Variants in ASIC2 observed in about 807,000 individuals in gnomAD.
ASIC2 encodes the protein acid sensing ion channel subunit 2.
Under a neutral mutation model 57.3 loss-of-function variants are expected in ASIC2, and 25 were observed. The observed-to-expected ratio is 0.44, with a 90% CI of 0.32 to 0.61. The LOEUF is 0.61. ASIC2 is among the 20% of genes least tolerant of loss of function. The probability of loss-of-function intolerance (pLI) is 0.06; values close to 1 mark genes in which losing one functional copy is unlikely to be tolerated. For synonymous variants in ASIC2, 319 were observed against 307.5 expected (o/e 1.04, Z -0.39); for missense variants, 641 against 738.1 (o/e 0.87, Z 1.52).
chr17:33,900,610 C>T (rs1420813307), intron 1 of ASIC2, among the ~76,000 whole-genome samples: 2 of 16,012 alleles, frequency 1.2e-4, no homozygotes, highest in Non-Finnish European at 2.8e-4. Context: ...GTGATAAGTA[C>T]TTAACCTCAC....
chr17:33,552,818 C>A (rs938920196), intron 1 of ASIC2, among the ~76,000 whole-genome samples: 12 of 152,216 alleles, frequency 7.9e-5, no homozygotes, highest in African/African-American at 2.9e-4. Flanking sequence ...GTCAGTGGAA[C>A]ACTCGCGTCA....
chr17:33,594,753 G>A (rs1249992972), intron 1 of ASIC2, among the ~76,000 whole-genome samples: 2 of 151,932 alleles, frequency 1.3e-5, no homozygotes, highest in Admixed American at 6.5e-5. Context: ...ACGTGAACCC[G>A]GGAGGTGGAG....
intron 1 of ASIC2, among the ~76,000 whole-genome samples, chr17:34,027,439 A>G (rs1428524374): frequency 6.6e-6 from 1 of 152,056 alleles, no homozygotes; most frequent in Non-Finnish European, 1.5e-5. Context: ...CTGCCCCCCT[A>G]TAACCATTTA....
chr17:33,495,742 T>C (rs1443847790), intron 1 of ASIC2, among the ~76,000 whole-genome samples: 3 of 152,178 alleles, frequency 2.0e-5, no homozygotes, highest in African/African-American at 4.8e-5. Flanking sequence ...CATCCATTCC[T>C]GTGAACTGTG....
intron 1 of ASIC2, among the ~76,000 whole-genome samples, chr17:33,312,125 C>T (rs1906451869): frequency 6.6e-6 from 1 of 152,136 alleles, no homozygotes; most frequent in South Asian, 2.1e-4. Context: ...GCTTTGTCTC[C>T]TTATCTTTAA....
intron 1 of ASIC2, among the ~76,000 whole-genome samples, chr17:33,571,769 T>C (rs1448649763): frequency 6.6e-6 from 1 of 152,208 alleles, no homozygotes; most frequent in East Asian, 1.9e-4. Flanking sequence ...GTCTGTTTCA[T>C]TCAAATTCCT....
intron 1 of ASIC2, among the ~76,000 whole-genome samples, chr17:33,802,108 A>G (rs1912149125): frequency 6.6e-6 from 1 of 152,238 alleles, no homozygotes; most frequent in Admixed American, 6.5e-5. Flanking sequence ...TGTTTTGGTC[A>G]ATGACAGACT....
At chr17:33,296,752 C>T (rs989314770), upstream of ASIC2, among the ~76,000 whole-genome samples, 13 of 152,144 alleles carry the variant, frequency 8.5e-5, no homozygotes, top group East Asian at 7.7e-4. Context: ...TAAGTGAACA[C>T]GGTTTTCTGT....
At chr17:34,081,491 G>A (rs971139120) in intron 1 of ASIC2, among the ~76,000 whole-genome samples, 1 of 152,182 alleles carries the variant, frequency 6.6e-6, no homozygotes, top group African/African-American at 2.4e-5. Context: ...GTGCTGGAAA[G>A]AGCTTTCCCC....
intron 1 of ASIC2, among the ~76,000 whole-genome samples, chr17:33,757,798 C>T (rs1033666657): frequency 6.6e-6 from 1 of 152,200 alleles, no homozygotes. Flanking sequence ...AGAAACATCC[C>T]TTTCCCACCC....
rs796332645 is a variant in ASIC2 at position 33,091,577 on chromosome 17, A to T, written c.860-2587T>A. Among the ~76,000 whole-genome samples the T allele has an allele frequency of 5.6e-4, 85 of 152,346 alleles. 1 individual carries two copies. Among genetic ancestry groups the T allele is most frequent in the African/African-American group, 1.9e-3 (79 of 41,582 alleles). ...CTTCCTGTCAGAAATGCCATGAGTAATGGGCAAAACATACAGGCCTGGTGT... is the reference window on the plus strand; with the variant it reads ...CTTCCTGTCAGAAATGCCATGAGTATTGGGCAAAACATACAGGCCTGGTGT... On this transcript the variant is annotated intron_variant, in intron 2 of 9. Transcript: ENST00000225823.
intron 1 of ASIC2, among the ~76,000 whole-genome samples, chr17:33,605,013 T>TTCTCTCTC (rs5820054): frequency 0.013 from 1,936 of 148,092 alleles, 16 homozygotes; most frequent in Non-Finnish European, 0.018. Flanking sequence ...TATTACTTCA[T>TTCTCTCTC]TCTCTCTCTC....
intron 1 of ASIC2, among the ~76,000 whole-genome samples, chr17:33,193,630 T>TA (rs1236095855): frequency 6.6e-6 from 1 of 152,176 alleles, no homozygotes; most frequent in East Asian, 1.9e-4. Flanking sequence ...CATGTGGAAG[T>TA]ACTCCAGCTC....
At chr17:33,633,981 T>C (rs570559038) in intron 1 of ASIC2, among the ~76,000 whole-genome samples, 199 of 152,274 alleles carry the variant, frequency 1.3e-3, no homozygotes, top group African/African-American at 4.6e-3. Flanking sequence ...TGTCCCAGGA[T>C]CCTGCCCTTG....
intron 1 of ASIC2, among the ~76,000 whole-genome samples, chr17:33,582,471 G>C (rs79042714): frequency 6.6e-6 from 1 of 152,068 alleles, no homozygotes; most frequent in Non-Finnish European, 1.5e-5. Context: ...TGGAGTCTGA[G>C]GTCTAATCTC....
chr17:33,810,912 C>T (rs1054358971), intron 1 of ASIC2, among the ~76,000 whole-genome samples: 2 of 151,990 alleles, frequency 1.3e-5, no homozygotes, highest in Admixed American at 1.3e-4. Context: ...TTCACACACA[C>T]ACTCCAGTAT....
intron 1 of ASIC2, among the ~76,000 whole-genome samples, chr17:33,163,127 G>A (rs1027401640): frequency 2.0e-5 from 3 of 152,156 alleles, no homozygotes; most frequent in African/African-American, 7.2e-5. Context: ...GGGGACCACT[G>A]GATAGACTTG....
Position 33,846,378 on chromosome 17 carries a change from C to T in ASIC2, c.555+309600G>A, listed in dbSNP as rs111480602. ...CACTTGCTTCACCTGCCCAGTTCTG[C>T]TGGGTTTGACATGCTGAGTTATTTT... On this transcript the variant is annotated intron_variant, in intron 1 of 9. Transcript: ENST00000359872. Among the ~76,000 whole-genome samples, 922 of 152,266 alleles carry T rather than the reference C, an allele frequency of 6.1e-3. 9 individuals carry two copies. Among genetic ancestry groups the T allele is most frequent in the African/African-American group, 0.021 (858 of 41,558 alleles).
At chr17:34,006,684 C>G (rs936899310) in intron 1 of ASIC2, 11 of 151,992 alleles carry the variant, frequency 7.2e-5, no homozygotes, top group African/African-American at 2.7e-4. Flanking sequence ...TGATTTGATA[C>G]ATGTGTAAAT....
Sources: gnomAD v4.1 joint callset for allele counts (sites outside exome capture counted in the v4.1 genomes callset) on GRCh38, gnomAD v4.1.1 for gene constraint, MANE v1.5 for transcripts, NCBI Gene and HGNC (gene_info 2026-07-23, HGNC 2026-07-21) for gene names.